Variants in BEST1 observed in about 807,000 individuals in gnomAD.
BEST1 encodes the protein bestrophin-1.
BEST1 carries 58 observed loss-of-function variants against 63.3 expected under a neutral mutation model. The ratio of observed to expected loss-of-function variants is 0.92; its 90% CI spans 0.74 to 1.14. The LOEUF (loss-of-function observed/expected upper bound fraction) is 1.14, where lower values mean the gene tolerates loss of function less well. Among genes scored for constraint, BEST1 ranks in the 50% most tolerant of loss-of-function variants. BEST1 has a pLI of 0.00. For missense variants in BEST1, 671 were observed against 740.1 expected, an observed-to-expected ratio of 0.91 and a Z score of 1.08; for synonymous variants, 283 against 291.6, an observed-to-expected ratio of 0.97 and a Z score of 0.30.
Position 61,962,475 on chromosome 11 carries a change from GACA to G in BEST1, c.1326_1328del (p.Asn442del), listed in dbSNP as rs1316030506. ...CAAACAGAACGTTAGGGGCCAGGAA[GACA>G]ACAAGGCCTGGAAGCTTAAGGCTGT... On this transcript the variant is annotated inframe_deletion, in exon 10 of 11. Coordinates refer to ENST00000378043, the MANE Select transcript of BEST1 (RefSeq NM_004183.4). 46 of 1,614,082 alleles carry G rather than the reference GACA, an allele frequency of 2.8e-5. No individual in the cohort carries two copies. Among genetic ancestry groups the G allele is most frequent in the Non-Finnish European group, 3.7e-5 (44 of 1,180,046 alleles).
chr11:61,953,970 A>G (rs1044168198), intron 2 of BEST1, among the ~76,000 whole-genome samples: 3 of 152,236 alleles, frequency 2.0e-5, no homozygotes, highest in Admixed American at 6.5e-5. Context: ...GACAGATATA[A>G]TCACCGAATA....
At position 61,955,100 on chromosome 11, in the gene BEST1, C is replaced by G; in HGVS notation, c.153-7C>G. ...CCACACAATTCCACCCCCACCCCCACCCCCAGGCTGGCCCTCACGGAAGAA... is the reference window on the plus strand; with the variant it reads ...CCACACAATTCCACCCCCACCCCCAGCCCCAGGCTGGCCCTCACGGAAGAA... On this transcript the variant is annotated splice_region_variant and splice_polypyrimidine_tract_variant and intron_variant, in intron 2 of 10. Transcript: ENST00000378043. 1 of 1,612,686 alleles carries G rather than the reference C, an allele frequency of 6.2e-7. No homozygotes were observed. The highest frequency in any genetic ancestry group is 8.5e-7 in the Non-Finnish European group (1 of 1,179,914).
intron 10 of BEST1, 178 bp from the exon 11 acceptor site, chr11:61,963,926 A>G: frequency 7.1e-7 from 1 of 1,417,228 alleles, no homozygotes; most frequent in Non-Finnish European, 9.3e-7. Context: ...TGAACCCAGG[A>G]GGTGGTGGTT....
At chr11:61,963,998 A>G (rs2134479988) in intron 10 of BEST1, 106 bp from the exon 11 acceptor site, 2 of 1,531,668 alleles carry the variant, frequency 1.3e-6, no homozygotes, top group African/African-American at 2.8e-5. Flanking sequence ...CTCAAAAAAA[A>G]AAAAAAAAGG....
intron 7 of BEST1, chr11:61,958,909 C>CACACACACACACAT (rs2134449872): frequency 4.3e-6 from 1 of 234,470 alleles, no homozygotes; most frequent in African/African-American, 2.4e-5. Context: ...CACACACATA[C>CACACACACACACAT]ACACACACAC....
At chr11:61,952,523 TG>T (rs1317061646) in intron 2 of BEST1, among the ~76,000 whole-genome samples, 6 of 137,016 alleles carry the variant, frequency 4.4e-5, no homozygotes, top group African/African-American at 1.7e-4. Context: ...TGGAGTGCAG[TG>T]GGGGCAATCT....
intron 3 of BEST1, 27 bp from the exon 4 acceptor site, chr11:61,955,691 C>T (rs1220195300): frequency 3.2e-5 from 48 of 1,514,800 alleles, no homozygotes; most frequent in Non-Finnish European, 4.1e-5. Flanking sequence ...GGCCCCTCGC[C>T]CCTCGCCCCC....
chr11:61,963,081 T>C lies in BEST1; in HGVS notation c.1739+188T>C, dbSNP rs17185413. The C allele has an allele frequency of 0.21, 310,786 of 1,475,772 alleles. 35,840 individuals are homozygous for C. Among genetic ancestry groups the C allele is most frequent in the Middle Eastern group, 0.25 (1,402 of 5,606 alleles). 91.4% of individuals were successfully genotyped at this position (1,475,772 alleles called of 1,614,324 possible). A position where few individuals can be genotyped will look rare whatever the true frequency, so the allele number is the denominator to read the frequency against. Reference sequence around the variant, plus strand: ...CTTCACAGGGATCCTAGGGAAGTGTTCGGGACCTTTTCTCACTTCACCCTG... The same window carrying C: ...CTTCACAGGGATCCTAGGGAAGTGTCCGGGACCTTTTCTCACTTCACCCTG... On this transcript the variant is annotated intron_variant, in intron 10 of 10. Transcript: ENST00000378043.
chr11:61,959,501 G>A lies in BEST1; in HGVS notation c.871G>A (p.Ala291Thr). The A allele has an allele frequency of 6.2e-7, 1 of 1,614,174 alleles. No homozygotes were observed. The highest frequency in any genetic ancestry group is 8.5e-7 in the Non-Finnish European group (1 of 1,180,004). ...FFFYVGWLKV[A>T]EQLINPFGED... Reference sequence around the variant, plus strand: ...CAGAGCCTCACCTGTCCCCAAGGTGGCAGAGCAGCTCATCAACCCCTTTGG... The same window carrying A: ...CAGAGCCTCACCTGTCCCCAAGGTGACAGAGCAGCTCATCAACCCCTTTGG... Residue 291 changes from alanine (A) to threonine (T), a missense_variant, in exon 8 of 11, where the codon GCA (alanine) becomes ACA (threonine). Physicochemically the swap from Ala to Thr is moderately conservative, Grantham distance 58 (BLOSUM62 0). Transcript: ENST00000378043.
At chr11:61,965,165 G>C, downstream of BEST1, 2 of 1,602,094 alleles carry the variant, frequency 1.2e-6, no homozygotes, top group South Asian at 2.2e-5. Context: ...AAGTCAGCAA[G>C]CCCATCATCT....
At position 61,959,928 on chromosome 11, in the gene BEST1, C is replaced by G; in HGVS notation, c.985C>G (p.Leu329Val). The G allele has an allele frequency of 6.2e-7, 1 of 1,613,624 alleles. No individual in the cohort carries two copies. The highest frequency in any genetic ancestry group is 8.5e-7 in the Non-Finnish European group (1 of 1,179,820). ...GGCTGTGGATGAGATGCACCAGGAC[C>G]TGCCTCGGATGGAGCCGGACATGTA... ...LLAVDEMHQD[L>V]PRMEPDMYWN... The change falls in exon 9 of 11, where the codon CTG becomes GTG. Residue 329 changes from leucine (L) to valine (V), a missense_variant. By Grantham distance (32) the Leu-to-Val change is conservative. Coordinates refer to ENST00000378043, the MANE Select transcript of BEST1 (RefSeq NM_004183.4).
At chr11:61,964,682 G>A, downstream of BEST1, 1 of 1,591,768 alleles carries the variant, frequency 6.3e-7, no homozygotes, top group Non-Finnish European at 8.5e-7. Flanking sequence ...CTGCCTTGGT[G>A]ACCAGGGAAG....
chr11:61,960,201 A>C lies in BEST1; in HGVS notation c.1100+158A>C, dbSNP rs1294604141. The C allele has an allele frequency of 2.8e-6, 3 of 1,080,758 alleles. No homozygotes were observed. In the African/African-American group the frequency reaches 4.8e-5, roughly 17 times the overall value. The allele number at this position is 1,080,758 out of a possible 1,614,324, so 66.9% of individuals were successfully genotyped here. On this transcript the variant is annotated intron_variant, in intron 9 of 10. Transcript: ENST00000378043. ...AAACATTAACTATTTTTTTCCTCCC[A>C]ATAATTCTGGTTTGTTATCCCAAGT... is the stretch of plus-strand genomic sequence containing the variant.
At position 61,956,889 on chromosome 11, in the gene BEST1, T is replaced by G; in HGVS notation, c.527T>G (p.Leu176Arg). 6.2e-7 allele frequency: 1 copy of G among 1,614,166 alleles called. No individual in the cohort carries two copies. The highest frequency in any genetic ancestry group is 8.5e-7 in the Non-Finnish European group (1 of 1,180,022). ...AEHKQLEKLS[L>R]PHNMFWVPWV... ...CACAAGCAGTTGGAGAAACTGAGCCTACCACACAACATGTTCTGGGTGCCC... is the reference window on the plus strand; with the variant it reads ...CACAAGCAGTTGGAGAAACTGAGCCGACCACACAACATGTTCTGGGTGCCC... Residue 176 changes from leucine to arginine, a missense_variant, in exon 5 of 11, where the codon CTA (leucine) becomes CGA (arginine). Leu to Arg is a moderately radical substitution (Grantham distance 102). Transcript: ENST00000378043.
In BEST1 at chr11:61,962,584, T is replaced by C. The variant is rs775915631; in HGVS notation, c.1430T>C (p.Met477Thr). 3.1e-6 allele frequency: 5 copies of C among 1,614,098 alleles called. No individual in the cohort carries two copies. The highest frequency in any genetic ancestry group is 3.3e-5 in the Admixed American group (2 of 60,014). The change falls in exon 10 of 11, where the codon ATG (methionine) becomes ACG (threonine). Residue 477 changes from methionine (M) to threonine (T), a missense_variant. Transcript: ENST00000378043. The part of the protein sequence containing the change: ...APQTPLSPTP[M>T]FFPLEPSAPS... ...CAGACGCCCCTCAGCCCCACTCCCA[T>C]GTTCTTCCCCCTAGAACCATCAGCG...
At chr11:61,963,348 G>T in intron 10 of BEST1, 1 of 1,290,668 alleles carries the variant, frequency 7.7e-7, no homozygotes, top group Non-Finnish European at 9.8e-7. Flanking sequence ...CTACAGGAAA[G>T]GGTGGCAGGA....
At position 61,955,817 on chromosome 11, in the gene BEST1, G is replaced by A. The variant is rs1941264207; in HGVS notation, c.347G>A (p.Gly116Asp). ...LMSLVSGFVEGKDEQGRLLRR... is the reference protein window; with the variant it reads ...LMSLVSGFVEDKDEQGRLLRR... ...AGCCTGGTGTCGGGCTTCGTCGAAG[G>A]CAAGGACGAGCAAGGCCGGCTGCTG... Residue 116 changes from glycine (G) to aspartate (D), a missense_variant, in exon 4 of 11, where the codon GGC becomes GAC. Physicochemically the swap from Gly to Asp is moderately conservative, Grantham distance 94. Transcript: ENST00000378043. 1 of 1,550,400 alleles carries A rather than the reference G, an allele frequency of 6.4e-7. No homozygotes were observed. Among genetic ancestry groups the A allele is most frequent in the Non-Finnish European group, 8.7e-7 (1 of 1,146,922 alleles).
At position 61,955,952 on chromosome 11, in the gene BEST1, G is replaced by T. The variant is rs932972380; in HGVS notation, c.481+1G>T. 4.5e-6 allele frequency: 7 copies of T among 1,545,958 alleles called. No homozygotes were observed. The highest frequency in any genetic ancestry group is 5.2e-6 in the Non-Finnish European group (6 of 1,144,194). ...AGCGCCCAGCACCTGGTGCAAGCAG[G>T]TGGGCGGACCGGGAGCAACGGGGAG... On this transcript the variant is annotated splice_donor_variant, in intron 4 of 10. Transcript: ENST00000378043. LOFTEE classifies it high-confidence loss of function.
chr11:61,951,537 T>C (rs1025830436), intron 1 of BEST1, among the ~76,000 whole-genome samples: 1 of 152,182 alleles, frequency 6.6e-6, no homozygotes, highest in East Asian at 1.9e-4. Context: ...CACATGGCAA[T>C]GCACACGCCT....
Sources: allele counts gnomAD v4.1 joint callset (sites outside exome capture counted in the v4.1 genomes callset), GRCh38; gene constraint gnomAD v4.1.1; transcripts MANE v1.5; gene names NCBI Gene and HGNC (gene_info 2026-07-23, HGNC 2026-07-21).